Variants in NCOR2 observed in about 807,000 individuals in gnomAD.
The protein encoded by NCOR2 is nuclear receptor corepressor 2, also known as CTG repeat protein 26.
In NCOR2, 81 loss-of-function variants were observed where a neutral mutation model predicts 262.9. The ratio of observed to expected loss-of-function variants is 0.31; its 90% CI spans 0.26 to 0.37. NCOR2 has a LOEUF of 0.37. Ranked by LOEUF, NCOR2 falls within the 10% of genes least tolerant of loss-of-function variation. The pLI is 1.00. For missense variants in NCOR2, 3,385 were observed against 3,621.4 expected, an observed-to-expected ratio of 0.93 and a Z score of 1.68; for synonymous variants, 1,659 against 1,559.3, an observed-to-expected ratio of 1.06 and a Z score of -1.51.
chr12:124,501,617 C>G (rs2048742772), intron 1 of NCOR2, among the ~76,000 whole-genome samples: 1 of 152,194 alleles, frequency 6.6e-6, no homozygotes, highest in African/African-American at 2.4e-5. Flanking sequence ...AGCCTTTCCA[C>G]TGCATCTCCT....
chr12:124,474,927 T>C (rs1208803097), intron 3 of NCOR2, among the ~76,000 whole-genome samples: 1 of 151,958 alleles, frequency 6.6e-6, no homozygotes, highest in Non-Finnish European at 1.5e-5. Flanking sequence ...GGGTGCATTA[T>C]TCTCCGGACA....
At chr12:124,332,224 C>A (rs1244856247) in intron 43 of NCOR2, 95 bp downstream of exon 45, 1 of 1,491,410 alleles carries the variant, frequency 6.7e-7, no homozygotes, top group East Asian at 2.3e-5. Context: ...GAAGGTGCAC[C>A]GTGGGTTTCT....
chr12:124,536,941 T>C (rs762368200), upstream of NCOR2, among the ~76,000 whole-genome samples: 3 of 152,148 alleles, frequency 2.0e-5, no homozygotes, highest in Non-Finnish European at 4.4e-5. Flanking sequence ...GGTACATCCA[T>C]GCCATATGAC....
At chr12:124,554,822 G>A (rs1278472342) in intron 1 of NCOR2, among the ~76,000 whole-genome samples, 1 of 152,258 alleles carries the variant, frequency 6.6e-6, no homozygotes, top group East Asian at 1.9e-4. Flanking sequence ...TTATAGCTGA[G>A]CAGGGAGAAG....
At chr12:124,518,958 C>T (rs1593945966) in intron 1 of NCOR2, among the ~76,000 whole-genome samples, 1 of 152,332 alleles carries the variant, frequency 6.6e-6, no homozygotes, top group African/African-American at 2.4e-5. Flanking sequence ...GCCAGAGGAG[C>T]AGGCTCTCCC....
At position 124,548,517 on chromosome 12, in the gene NCOR2, CTTTT is replaced by C. The variant is rs992862259; in HGVS notation, c.-164-12910_-164-12907del. On this transcript the variant is annotated intron_variant, in intron 1 of 32. Coordinates refer to the NCOR2 transcript ENST00000458234. The surrounding 1 kb of genome is among the most constrained non-coding windows in gnomAD (Gnocchi z 5.1). ...ATGGTGCCTGGTCTGCCATTCTTTTCTTTTTGTCATTATTATTGATATGAAAACA... is the reference window on the plus strand; with the variant it reads ...ATGGTGCCTGGTCTGCCATTCTTTTCTGTCATTATTATTGATATGAAAACA... Among the ~76,000 whole-genome samples, 3 of 152,094 alleles carry C rather than the reference CTTTT, an allele frequency of 2.0e-5. No homozygotes were observed. The highest frequency in any genetic ancestry group is 4.4e-5 in the Non-Finnish European group (3 of 68,012).
intron 7 of NCOR2, among the ~76,000 whole-genome samples, chr12:124,447,440 C>T (rs902980845): frequency 6.6e-6 from 1 of 152,174 alleles, no homozygotes; most frequent in Non-Finnish European, 1.5e-5. Flanking sequence ...TCTATATGAG[C>T]ATCTTGCTCC....
At position 124,549,390 on chromosome 12, in the gene NCOR2, C is replaced by A. The variant is rs1476551973; in HGVS notation, c.-164-13779G>T. 6.6e-6 allele frequency among the ~76,000 whole-genome samples: 1 copy of A among 152,170 alleles called. No individual in the cohort carries two copies. The highest frequency in any genetic ancestry group is 2.4e-5 in the African/African-American group (1 of 41,424). On this transcript the variant is annotated intron_variant, in intron 1 of 32. Transcript: ENST00000458234. This position sits in a 1 kb window ranked among gnomAD's most constrained non-coding sequence, Gnocchi z 4.4. ...TAAGCCGCCTGCTCAGGTTCACGTTCGGGATCAAATGAACCCACTTAATCC... is the reference window on the plus strand; with the variant it reads ...TAAGCCGCCTGCTCAGGTTCACGTTAGGGATCAAATGAACCCACTTAATCC...
At position 124,326,387 on chromosome 12, in the gene NCOR2, T is replaced by G; in HGVS notation, c.7184-17A>C. ...CGCCGCCACCTGCAGGGGGACAAGA[T>G]GGGAAGGGGCTGCGTTGGGCAGTGA... On this transcript the variant is annotated splice_polypyrimidine_tract_variant and intron_variant, in intron 45 of 46. Transcript: ENST00000405201. 6.7e-7 allele frequency: 1 copy of G among 1,482,312 alleles called. No homozygotes were observed. The highest frequency in any genetic ancestry group is 2.3e-5 in the Admixed American group (1 of 43,802). The allele number at this position is 1,482,312 out of a possible 1,614,324, so 91.8% of individuals were successfully genotyped here.
At chr12:124,402,361 G>A in intron 14 of NCOR2, 43 bp downstream of exon 16, 1 of 1,609,396 alleles carries the variant, frequency 6.2e-7, no homozygotes, top group Non-Finnish European at 8.5e-7. Context: ...CACCCGGGTT[G>A]GGTCAGCGGC....
chr12:124,499,513 G>C (rs1428642312), upstream of NCOR2, among the ~76,000 whole-genome samples: 3 of 152,236 alleles, frequency 2.0e-5, no homozygotes, highest in African/African-American at 4.8e-5. Context: ...AGGGGATGGA[G>C]AGTGCTCCAG....
At chr12:124,471,623 G>A (rs1191029364) in intron 4 of NCOR2, among the ~76,000 whole-genome samples, 1 of 152,242 alleles carries the variant, frequency 6.6e-6, no homozygotes, top group Non-Finnish European at 1.5e-5. Flanking sequence ...CCAGGCAAGA[G>A]TGCAGTGGCA....
intron 2 of NCOR2, among the ~76,000 whole-genome samples, chr12:124,485,937 C>T (rs971062624): frequency 2.8e-4 from 42 of 150,846 alleles, no homozygotes; most frequent in Admixed American, 1.1e-3. Flanking sequence ...TTGCTGTAGT[C>T]CCTCCAGCTC....
intron 1 of NCOR2, among the ~76,000 whole-genome samples, chr12:124,553,125 A>G (rs2051767049): frequency 6.6e-6 from 1 of 152,168 alleles, no homozygotes; most frequent in Non-Finnish European, 1.5e-5. Context: ...TATGGCTTCT[A>G]GCGGCTGCCT....
chr12:124,515,516 T>C (rs2137047114), intron 1 of NCOR2, among the ~76,000 whole-genome samples: 1 of 152,236 alleles, frequency 6.6e-6, no homozygotes, highest in African/African-American at 2.4e-5. Context: ...AGCATGGATA[T>C]AGCCAGCCGT....
rs1248526489 is a variant in NCOR2, at chr12:124,373,271, C to G, written c.2219-661G>C. On this transcript the variant is annotated intron_variant, in intron 19 of 46. Transcript: ENST00000405201. ...GTGCAGGGGACCCGGGCACAGTGGA[C>G]AATCATGAGGCCAGTGCGTGTGCAG... 1.7e-5 allele frequency among the ~76,000 whole-genome samples: 2 copies of G among 120,804 alleles called. 1 individual carries two copies. Among genetic ancestry groups the G allele is most frequent in the Non-Finnish European group, 3.5e-5 (2 of 56,448 alleles). 79.3% of individuals were successfully genotyped at this position (120,804 alleles called of 152,430 possible). A position where few individuals can be genotyped will look rare whatever the true frequency, so the allele number is the denominator to read the frequency against.
chr12:124,457,271 G>T lies in NCOR2; in HGVS notation c.706-109C>A. ...GCACCTGCCCAGCCCAGTCCAGCAT[G>T]CTGATCCTCAGCACGGGGGAGGGAG... is the stretch of plus-strand genomic sequence containing the variant. On this transcript the variant is annotated intron_variant, in intron 5 of 46. Transcript: ENST00000405201. The surrounding 1 kb of genome is among the most constrained non-coding windows in gnomAD (Gnocchi z 4.0). 8.1e-7 allele frequency: 1 copy of T among 1,232,034 alleles called. No homozygotes were observed. The highest frequency in any genetic ancestry group is 1.1e-6 in the Non-Finnish European group (1 of 914,532). 76.3% of individuals were successfully genotyped at this position (1,232,034 alleles called of 1,614,324 possible).
chr12:124,388,808 G>A (rs990932776), intron 16 of NCOR2: 14 of 1,299,236 alleles, frequency 1.1e-5, no homozygotes, highest in Middle Eastern at 4.4e-4. Context: ...CTGCGAGGCT[G>A]CTGGTTGGCG....
chr12:124,333,867 C>CGGGTGT (rs2035521948), intron 41 of NCOR2, among the ~76,000 whole-genome samples: 1 of 28,512 alleles, frequency 3.5e-5, no homozygotes, highest in African/African-American at 8.2e-5. Context: ...TGTGTGTGTG[C>CGGGTGT]GCATGTGTGC....
Sources: allele counts gnomAD v4.1 joint callset (sites outside exome capture counted in the v4.1 genomes callset), GRCh38; gene constraint gnomAD v4.1.1; non-coding constraint Gnocchi (gnomAD v3.1); transcripts MANE v1.5; gene names NCBI Gene and HGNC (gene_info 2026-07-23, HGNC 2026-07-21).